The following SLC36A1 variants were observed in gnomAD, a reference collection of about 807,000 sequenced individuals.
SLC36A1 encodes the protein proton-coupled amino acid transporter 1.
SLC36A1 carries 30 observed loss-of-function variants against 47.5 expected under a neutral mutation model. The ratio of observed to expected loss-of-function variants is 0.63; its 90% confidence interval spans 0.47 to 0.86. SLC36A1 has a LOEUF of 0.86. SLC36A1 is among the 40% of genes least tolerant of loss of function. The probability of loss-of-function intolerance (pLI) is 0.00; values close to 1 mark genes in which losing one functional copy is unlikely to be tolerated. For synonymous variants in SLC36A1, 255 were observed against 249.7 expected (o/e 1.02, Z -0.20); for missense variants, 517 against 606.0 (o/e 0.85, Z 1.54).
the SLC36A1 span, among the ~76,000 whole-genome samples, chr5:151,532,607 A>G: frequency 1.3e-5 from 2 of 152,204 alleles, no homozygotes; most frequent in Non-Finnish European, 2.9e-5. Flanking sequence ...CTTCCTATGG[A>G]GTCTATAATT....
At chr5:151,385,445 C>A in the SLC36A1 span, among the ~76,000 whole-genome samples, 4 of 152,194 alleles carry the variant, frequency 2.6e-5, no homozygotes, top group Non-Finnish European at 5.9e-5. Context: ...GGGGAAAAAA[C>A]CCAGAATCGC....
intron 9 of SLC36A1, 138 bp downstream of exon 9, chr5:151,476,894 C>T (rs1473856031): frequency 5.7e-6 from 6 of 1,054,994 alleles, no homozygotes; most frequent in African/African-American, 4.7e-5. Context: ...CCACTGCCAG[C>T]CCTCACTGGC....
the SLC36A1 span, chr5:151,544,396 C>T: frequency 2.5e-6 from 4 of 1,614,076 alleles, no homozygotes; most frequent in Admixed American, 1.7e-5. Flanking sequence ...ATCCGTGGCT[C>T]TGACTGTGAA....
chr5:151,420,754 T>G, the SLC36A1 span, among the ~76,000 whole-genome samples: 2 of 152,200 alleles, frequency 1.3e-5, no homozygotes, highest in East Asian at 3.8e-4. Flanking sequence ...TCCTCACCAC[T>G]TCTTTTAATA....
upstream of SLC36A1, among the ~76,000 whole-genome samples, chr5:151,446,930 A>G (rs1752958731): frequency 6.6e-6 from 1 of 152,078 alleles, no homozygotes; most frequent in Non-Finnish European, 1.5e-5. Flanking sequence ...AGTTGTATGT[A>G]TTTAGGTGCT....
At chr5:151,518,979 AAGAG>A in the SLC36A1 span, among the ~76,000 whole-genome samples, 3 of 152,182 alleles carry the variant, frequency 2.0e-5, no homozygotes, top group African/African-American at 7.2e-5. Flanking sequence ...GGAATTGTTG[AAGAG>A]AGAGAACAAA....
upstream of SLC36A1, among the ~76,000 whole-genome samples, chr5:151,442,760 A>C (rs10044613): frequency 5.8e-3 from 886 of 151,970 alleles, 11 homozygotes; most frequent in African/African-American, 0.02. Flanking sequence ...CATATCTGCT[A>C]CTCTGTATCC....
At chr5:151,505,584 C>T in the SLC36A1 span, 263 of 1,614,158 alleles carry the variant, frequency 1.6e-4, 3 homozygotes, top group South Asian at 2.8e-3. Flanking sequence ...GACCTCCTCA[C>T]AGCTGCCATA....
chr5:151,462,949 C>A (rs906311891), intron 2 of SLC36A1, among the ~76,000 whole-genome samples: 2 of 151,664 alleles, frequency 1.3e-5, no homozygotes, highest in African/African-American at 4.8e-5. Flanking sequence ...GATCTTAACT[C>A]ACTGCAACCT....
upstream of SLC36A1, chr5:151,447,466 T>A (rs770127984): frequency 3.9e-5 from 6 of 152,308 alleles, no homozygotes; most frequent in Non-Finnish European, 7.3e-5. Context: ...AGGAACATAG[T>A]CCTTCCAGCA....
At chr5:151,484,993 G>A (rs918627973) in intron 10 of SLC36A1, among the ~76,000 whole-genome samples, 4 of 152,142 alleles carry the variant, frequency 2.6e-5, no homozygotes, top group Non-Finnish European at 5.9e-5. Context: ...CCCAGAGAGG[G>A]CAAGTGTCTT....
the SLC36A1 span, among the ~76,000 whole-genome samples, chr5:151,354,782 C>A: frequency 3.3e-5 from 5 of 152,174 alleles, no homozygotes; most frequent in Admixed American, 3.3e-4. Context: ...CATGCACATA[C>A]CTGAACCAAT....
intron 8 of SLC36A1, among the ~76,000 whole-genome samples, chr5:151,474,801 C>T (rs1489839050): frequency 1.3e-5 from 2 of 152,236 alleles, no homozygotes; most frequent in South Asian, 2.1e-4. Context: ...GTACAAAACT[C>T]TTCTCTGAAG....
chr5:151,502,996 G>A, the SLC36A1 span, among the ~76,000 whole-genome samples: 17 of 148,250 alleles, frequency 1.1e-4, no homozygotes, highest in Admixed American at 5.9e-4. Context: ...AAAAAGCTAC[G>A]TATCATATGA....
At chr5:151,476,850 A>C in intron 9 of SLC36A1, 94 bp downstream of exon 9, 2 of 1,459,472 alleles carry the variant, frequency 1.4e-6, no homozygotes, top group East Asian at 2.4e-5. Context: ...TATCTCTTAA[A>C]CCAGCCCACT....
chr5:151,455,230 A>G (rs1022720796), intron 1 of SLC36A1, among the ~76,000 whole-genome samples: 5 of 152,104 alleles, frequency 3.3e-5, no homozygotes, highest in Non-Finnish European at 5.9e-5. Context: ...ATGTCTACCC[A>G]TGATTCTCTC....
the SLC36A1 span, among the ~76,000 whole-genome samples, chr5:151,365,308 G>A: frequency 3.3e-5 from 5 of 152,186 alleles, no homozygotes; most frequent in African/African-American, 1.2e-4. Context: ...GTTGCCTGTG[G>A]CATATAGATG....
chr5:151,433,606 A>T (rs879296968), upstream of SLC36A1, among the ~76,000 whole-genome samples: 24 of 151,862 alleles, frequency 1.6e-4, no homozygotes, highest in African/African-American at 3.4e-4. Flanking sequence ...AACATATTTT[A>T]AAAAAATTCT....
chr5:151,548,332 G>T, the SLC36A1 span, among the ~76,000 whole-genome samples: 6 of 151,430 alleles, frequency 4.0e-5, no homozygotes, highest in Non-Finnish European at 7.4e-5. Context: ...CATTAATTAT[G>T]TATTATAATT....
Sources: gnomAD v4.1 joint callset for allele counts (sites outside exome capture counted in the v4.1 genomes callset) on GRCh38, gnomAD v4.1.1 for gene constraint, MANE v1.5 for transcripts, NCBI Gene and HGNC (gene_info 2026-07-23, HGNC 2026-07-21) for gene names.